The following OSMR variants were observed in gnomAD, a reference collection of about 807,000 sequenced individuals.
OSMR encodes oncostatin M receptor.
Under a neutral mutation model 99.9 loss-of-function variants are expected in OSMR, and 81 were observed. The observed-to-expected ratio is 0.81, with a 90% CI of 0.68 to 0.97. OSMR has a LOEUF of 0.97. Among genes scored for constraint, OSMR ranks in the 50% least tolerant of loss-of-function variants. OSMR has a pLI of 0.00. For synonymous variants in OSMR, 406 were observed against 410.4 expected, an observed-to-expected ratio of 0.99 and a Z score of 0.13; for missense variants, 1,099 against 1,153.4, an observed-to-expected ratio of 0.95 and a Z score of 0.68.
intron 9 of OSMR, among the ~76,000 whole-genome samples, chr5:38,915,062 A>G (rs1254652757): frequency 6.6e-6 from 1 of 152,236 alleles, no homozygotes; most frequent in African/African-American, 2.4e-5. Flanking sequence ...AGGGAGGGAT[A>G]TGATTCACTA....
intron 7 of OSMR, among the ~76,000 whole-genome samples, chr5:38,890,930 C>G (rs569542490): frequency 6.6e-6 from 1 of 152,050 alleles, no homozygotes; most frequent in Non-Finnish European, 1.5e-5. Flanking sequence ...TTGGCATGCC[C>G]GAATACTGGG....
chr5:38,905,369 A>G (rs1027362654), intron 9 of OSMR, among the ~76,000 whole-genome samples: 2 of 152,054 alleles, frequency 1.3e-5, no homozygotes, highest in Non-Finnish European at 2.9e-5. Context: ...CACGCCTGTA[A>G]TCCCAGCTAC....
intron 9 of OSMR, among the ~76,000 whole-genome samples, chr5:38,905,678 C>T (rs1055929432): frequency 6.6e-5 from 10 of 152,166 alleles, no homozygotes; most frequent in Middle Eastern, 3.2e-3. Flanking sequence ...ACTGACTGAG[C>T]TGCGACTCAC....
Position 38,919,006 on chromosome 5 carries a change from A to G in OSMR, c.1529A>G (p.Asn510Ser). The stretch of plus-strand genomic sequence containing the variant: ...TACCAAATCTGCGTCATAGCCAACA[A>G]CAGTGTGGGTGCTTCTCCTGCTTCT... The part of the protein sequence containing the change: ...CSYQICVIAN[N>S]SVGASPASVI... Residue 510 changes from asparagine to serine, a missense_variant, in exon 11 of 18, where the codon AAC (asparagine) becomes AGC (serine). Coordinates refer to ENST00000274276, the MANE Select transcript of OSMR (RefSeq NM_003999.3). The G allele has an allele frequency of 6.2e-7, 1 of 1,614,152 alleles. No homozygotes were observed. Among genetic ancestry groups the G allele is most frequent in the Non-Finnish European group, 8.5e-7 (1 of 1,180,006 alleles).
intron 9 of OSMR, among the ~76,000 whole-genome samples, chr5:38,911,282 C>CA (rs1491215820): frequency 6.6e-6 from 1 of 152,150 alleles, no homozygotes; most frequent in Non-Finnish European, 1.5e-5. Flanking sequence ...CAAAAACTCT[C>CA]AGAGATTACT....
intron 1 of OSMR, chr5:38,942,407 A>C (rs1467430126): frequency 7.1e-7 from 1 of 1,416,908 alleles, no homozygotes; most frequent in Non-Finnish European, 9.9e-7. Flanking sequence ...ATCATCAATT[A>C]CTTTTATAAA....
chr5:38,936,163 A>G (rs541412644), downstream of OSMR, among the ~76,000 whole-genome samples: 7 of 152,292 alleles, frequency 4.6e-5, no homozygotes, highest in East Asian at 1.4e-3. Flanking sequence ...ATAAACCACT[A>G]TGTATCATCA....
Position 38,865,758 on chromosome 5 carries a change from G to GGCAGGCCACTAC in OSMR, c.-13-3274_-13-3273insGCAGGCCACTAC, listed in dbSNP as rs534903296. Among the ~76,000 whole-genome samples the GGCAGGCCACTAC allele has an allele frequency of 2.5e-3, 387 of 152,364 alleles. 3 individuals are homozygous for GGCAGGCCACTAC. The highest frequency in any genetic ancestry group is 8.9e-3 in the African/African-American group (370 of 41,594). On this transcript the variant is annotated intron_variant, in intron 1 of 17. Transcript: ENST00000274276. ...CTCCATGTGGCTTGCTTGGGTGCCAGCAGTGGCAGTGGTAGGCCAGGCAGG... is the reference window on the plus strand; with the variant it reads ...CTCCATGTGGCTTGCTTGGGTGCCAGGCAGGCCACTACCAGTGGCAGTGGTAGGCCAGGCAGG...
At chr5:38,941,711 G>A (rs1001196455) in intron 1 of OSMR, 4 of 231,886 alleles carry the variant, frequency 1.7e-5, no homozygotes, top group East Asian at 6.1e-5. Flanking sequence ...TATAAGTCCC[G>A]GGTTGTTGAG....
chr5:38,904,061 CT>C (rs3214764), intron 8 of OSMR, 37 bp downstream of exon 8: 65,061 of 1,610,732 alleles, frequency 0.04, 3,948 homozygotes, highest in East Asian at 0.33. Context: ...TTCAAAAATT[CT>C]TTTTTTGTCC....
At chr5:38,860,882 A>C (rs555627051) in intron 1 of OSMR, among the ~76,000 whole-genome samples, 1 of 152,278 alleles carries the variant, frequency 6.6e-6, no homozygotes, top group South Asian at 2.1e-4. Flanking sequence ...CATGTTGGCC[A>C]GGCTAGTCTC....
intron 1 of OSMR, among the ~76,000 whole-genome samples, chr5:38,849,511 T>C (rs1477896256): frequency 2.0e-5 from 3 of 152,106 alleles, no homozygotes; most frequent in Non-Finnish European, 4.4e-5. Context: ...TTAACTACTG[T>C]AGCTTTATAG....
At chr5:38,925,039 G>A (rs767359409) in intron 14 of OSMR, 165 bp from the exon 15 acceptor site, 54 of 982,414 alleles carry the variant, frequency 5.5e-5, no homozygotes, top group Non-Finnish European at 6.2e-5. Flanking sequence ...TTTACCTGGT[G>A]TGCCCATGGT....
At chr5:38,942,230 T>A in intron 1 of OSMR, 1 of 901,442 alleles carries the variant, frequency 1.1e-6, no homozygotes, top group Non-Finnish European at 1.7e-6. Context: ...GTCAGTCGTA[T>A]TTTCTGAGGC....
At chr5:38,884,144 C>T (rs1743525390) in intron 5 of OSMR, 33 bp downstream of exon 5, 2 of 1,443,820 alleles carry the variant, frequency 1.4e-6, no homozygotes, top group African/African-American at 1.4e-5. Context: ...GCCCTTTCTT[C>T]TCATTTCCTG....
chr5:38,851,795 AC>A (rs1328727205), intron 1 of OSMR, among the ~76,000 whole-genome samples: 2 of 152,158 alleles, frequency 1.3e-5, no homozygotes, highest in African/African-American at 2.4e-5. Context: ...TGTGGGAGGA[AC>A]CCAGTACGAG....
At chr5:38,893,992 T>A (rs1435028967) in intron 7 of OSMR, among the ~76,000 whole-genome samples, 1 of 152,164 alleles carries the variant, frequency 6.6e-6, no homozygotes, top group Non-Finnish European at 1.5e-5. Flanking sequence ...GCAGAAACCT[T>A]ACAAGCCAGA....
At chr5:38,864,619 AT>A (rs1225884625) in intron 1 of OSMR, among the ~76,000 whole-genome samples, 35 of 150,536 alleles carry the variant, frequency 2.3e-4, no homozygotes, top group Non-Finnish European at 4.0e-4. Flanking sequence ...TAAGAAATTC[AT>A]TGTTAGTCTG....
intron 7 of OSMR, 92 bp downstream of exon 7, chr5:38,886,282 C>T: frequency 6.2e-7 from 1 of 1,603,440 alleles, no homozygotes. Context: ...TAGATCTTTG[C>T]CTCATTCACA....
Sources: gnomAD v4.1 joint callset for allele counts (sites outside exome capture counted in the v4.1 genomes callset) on GRCh38, gnomAD v4.1.1 for gene constraint, MANE v1.5 for transcripts, NCBI Gene and HGNC (gene_info 2026-07-23, HGNC 2026-07-21) for gene names.